USP39: variants seen among roughly 807,000 people sequenced by gnomAD.
USP39 encodes ubiquitin specific peptidase 39.
Under a neutral mutation model 66.4 loss-of-function variants are expected in USP39, and 38 were observed. The observed-to-expected ratio is 0.57, with a 90% confidence interval of 0.44 to 0.75. USP39 has a LOEUF of 0.75. Ranked by LOEUF, USP39 falls within the 30% of genes least tolerant of loss-of-function variation. USP39 has a pLI of 0.00. For synonymous variants in USP39, 303 were observed against 274.6 expected, an observed-to-expected ratio of 1.10 and a Z score of -1.02; for missense variants, 608 against 714.4, an observed-to-expected ratio of 0.85 and a Z score of 1.70.
Position 85,637,369 on chromosome 2 carries a change from C to T in USP39, c.1028C>T (p.Thr343Ile). 1 of 1,614,166 alleles carries T rather than the reference C, an allele frequency of 6.2e-7. No homozygotes were observed. The highest frequency in any genetic ancestry group is 8.5e-7 in the Non-Finnish European group (1 of 1,180,020). The change falls in exon 8 of 13, where the codon ACT becomes ATT. Residue 343 changes from threonine to isoleucine, a missense_variant and splice_region_variant. Coordinates refer to ENST00000323701, the MANE Select transcript of USP39 (RefSeq NM_006590.4). ...TGTCTCTTGCTTCCTGTTTGTGCAG[C>T]TATTGTGACTGATGTTTTCCAGGGG... ...ALGGTKKKKK[T>I]IVTDVFQGSM...
chr2:85,647,572 T>C (rs1369535418), intron 11 of USP39, among the ~76,000 whole-genome samples: 1 of 150,778 alleles, frequency 6.6e-6, no homozygotes, highest in African/African-American at 2.4e-5. Context: ...GAGGGGAGGA[T>C]CGCTTGAATC....
intron 9 of USP39, 132 bp downstream of exon 9, chr2:85,639,523 C>T (rs1676071502): frequency 7.9e-6 from 7 of 883,150 alleles, no homozygotes; most frequent in East Asian, 2.9e-5. Context: ...GGCGTGATTT[C>T]GGCTGACTGC....
At chr2:85,648,165 C>T in intron 12 of USP39, 149 bp downstream of exon 12, 1 of 692,958 alleles carries the variant, frequency 1.4e-6, no homozygotes, top group Admixed American at 2.8e-5. Context: ...GAGTTGGGGG[C>T]AGAATGTATG....
At chr2:85,648,718 T>C (rs1676830986) in intron 12 of USP39, 43 bp from the exon 13 acceptor site, 1 of 1,609,762 alleles carries the variant, frequency 6.2e-7, no homozygotes, top group African/African-American at 1.3e-5. Flanking sequence ...GTCTGTTGAC[T>C]GAATGCCTCC....
chr2:85,623,782 G>A lies in USP39; in HGVS notation c.570G>A (p.Thr190=), dbSNP rs370743494. ...TCGATTCCTCATTGGAGGATATCAC[G>A]GTGTGTGTCTAAGAGGGTTGGTTTG... ...EIIDSSLEDI[T]YVLKPTFTKQ... Residue 190 remains threonine (T), a splice_region_variant and synonymous_variant, in exon 4 of 13, where the codon ACG becomes ACA. Coordinates refer to ENST00000323701, the MANE Select transcript of USP39 (RefSeq NM_006590.4). 9.0e-5 allele frequency: 145 copies of A among 1,610,706 alleles called. No individual in the cohort carries two copies. Among genetic ancestry groups the A allele is most frequent in the Non-Finnish European group, 1.2e-4 (138 of 1,178,718 alleles).
chr2:85,605,536 C>CT (rs1363991384), intron 1 of USP39, among the ~76,000 whole-genome samples: 1 of 152,208 alleles, frequency 6.6e-6, no homozygotes, highest in African/African-American at 2.4e-5. Context: ...GTATGACCAT[C>CT]TGATTCCTCA....
At position 85,619,403 on chromosome 2, in the gene USP39, C is replaced by CTA; in HGVS notation, c.338+115_338+116dup. The CTA allele has an allele frequency of 2.8e-6, 3 of 1,060,944 alleles. 1 individual carries two copies. The South Asian group carries it at 4.4e-5, about 16-fold the overall frequency. The allele number at this position is 1,060,944 out of a possible 1,614,324, so 65.7% of individuals were successfully genotyped here. On this transcript the variant is annotated intron_variant, in intron 2 of 12. Transcript: ENST00000323701. ...CAAACTTTACTTTTTTTGAACCTGT[C>CTA]TAGAGAGTTGTGCTTCTTGCCATGT...
intron 9 of USP39, 194 bp downstream of exon 9, chr2:85,639,585 G>A: frequency 2.0e-6 from 1 of 507,326 alleles, no homozygotes; most frequent in Non-Finnish European, 3.4e-6. Flanking sequence ...CTTCCTAGTA[G>A]CTGGGATTAC....
chr2:85,623,714 C>G lies in USP39; in HGVS notation c.502C>G (p.His168Asp). 1 of 1,613,984 alleles carries G rather than the reference C, an allele frequency of 6.2e-7. No homozygotes were observed. Among genetic ancestry groups the G allele is most frequent in the Non-Finnish European group, 8.5e-7 (1 of 1,179,986 alleles). ...QFSHHVFLNLHTLKFYCLPDN... is the reference protein window; with the variant it reads ...QFSHHVFLNLDTLKFYCLPDN... ...TAGCCACCATGTTTTCCTCAACCTC[C>G]ACACCCTCAAGTTTTACTGCCTTCC... is the stretch of plus-strand genomic sequence containing the variant. The change falls in exon 4 of 13, where the codon CAC (histidine) becomes GAC (aspartate). Residue 168 changes from histidine (H) to aspartate (D), a missense_variant. Transcript: ENST00000323701.
chr2:85,611,221 A>T, upstream of USP39: 1 of 1,279,750 alleles, frequency 7.8e-7, no homozygotes, highest in South Asian at 1.9e-5. Flanking sequence ...AAATAAAAAC[A>T]TTTTAAAAAA....
At chr2:85,647,317 C>T (rs371789828) in intron 11 of USP39, among the ~76,000 whole-genome samples, 1 of 152,118 alleles carries the variant, frequency 6.6e-6, no homozygotes, top group African/African-American at 2.4e-5. Context: ...CCTCTTTTCT[C>T]ATCTTTAGTG....
At chr2:85,617,175 A>G (rs148949683) in intron 1 of USP39, among the ~76,000 whole-genome samples, 2 of 137,782 alleles carry the variant, frequency 1.5e-5, no homozygotes, top group Non-Finnish European at 3.1e-5. Flanking sequence ...GCTGGTCTCG[A>G]ACTCCTGGAC....
upstream of USP39, chr2:85,611,555 G>A (rs754086883): frequency 1.9e-6 from 3 of 1,551,084 alleles, no homozygotes; most frequent in South Asian, 3.6e-5. Context: ...GTTCCGGAAA[G>A]AGACGAGATG....
upstream of USP39, chr2:85,609,147 C>G (rs971802741): frequency 3.2e-6 from 5 of 1,559,132 alleles, no homozygotes; most frequent in African/African-American, 6.8e-5. Flanking sequence ...AACACTCTCA[C>G]AGAACTCCAT....
Position 85,625,616 on chromosome 2 carries a change from T to C in USP39, c.648T>C (p.Asp216=), listed in dbSNP as rs145085852. ...DKQAKLSRAY[D]GTTYLPGIVG... is the part of the protein sequence containing the mutation. Reference sequence around the variant, plus strand: ...AAGCCAAATTGTCCCGGGCATATGATGGTACCACTTACCTGCCGGGTATTG... The same window carrying C: ...AAGCCAAATTGTCCCGGGCATATGACGGTACCACTTACCTGCCGGGTATTG... Residue 216 remains aspartate (D), a synonymous_variant, in exon 5 of 13, where the codon GAT becomes GAC. Transcript: ENST00000323701. The C allele has an allele frequency of 2.5e-6, 4 of 1,614,126 alleles. No homozygotes were observed. The highest frequency in any genetic ancestry group is 2.5e-6 in the Non-Finnish European group (3 of 1,179,988).
chr2:85,632,730 G>A (rs1367566949), intron 6 of USP39, among the ~76,000 whole-genome samples: 1 of 152,072 alleles, frequency 6.6e-6, no homozygotes, highest in African/African-American at 2.4e-5. Context: ...TTACAGGCGT[G>A]AGCCACCACG....
upstream of USP39, chr2:85,611,292 A>T (rs1000351466): frequency 1.2e-5 from 17 of 1,419,450 alleles, no homozygotes; most frequent in Non-Finnish European, 1.5e-5. Context: ...TCTAGGTAGC[A>T]GAGAAGCTGG....
At chr2:85,639,430 T>C in intron 9 of USP39, 39 bp downstream of exon 9, 1 of 1,479,504 alleles carries the variant, frequency 6.8e-7, no homozygotes. Flanking sequence ...ATACTTACCC[T>C]CGCTCTCTCG....
intron 10 of USP39, among the ~76,000 whole-genome samples, chr2:85,644,204 G>A (rs1374553335): frequency 6.6e-6 from 1 of 152,142 alleles, no homozygotes; most frequent in East Asian, 1.9e-4. Context: ...GCTGTTTCTT[G>A]TGAACTCTTC....
Sources: allele counts gnomAD v4.1 joint callset (sites outside exome capture counted in the v4.1 genomes callset), GRCh38; gene constraint gnomAD v4.1.1; transcripts MANE v1.5; gene names NCBI Gene and HGNC (gene_info 2026-07-23, HGNC 2026-07-21).